Variants in SERINC5 observed in about 807,000 individuals in gnomAD.
SERINC5 encodes the protein chromosome 5 open reading frame 12.
SERINC5 carries 41 observed loss-of-function variants against 63.1 expected under a neutral mutation model. That is an observed-to-expected ratio of 0.65 (90% confidence interval 0.51 to 0.84). The LOEUF (loss-of-function observed/expected upper bound fraction) is 0.84. Among genes scored for constraint, SERINC5 ranks in the 40% least tolerant of loss-of-function variants. The pLI is 0.00. For synonymous variants in SERINC5, 222 were observed against 215.2 expected, an observed-to-expected ratio of 1.03 and a Z score of -0.28; for missense variants, 523 against 573.0, an observed-to-expected ratio of 0.91 and a Z score of 0.89.
chr5:80,177,738 G>C (rs1748129199), intron 3 of SERINC5, 148 bp downstream of exon 3: 1 of 665,862 alleles, frequency 1.5e-6, no homozygotes, highest in African/African-American at 1.8e-5. Flanking sequence ...CAACCATGTG[G>C]GTAAGTATCA....
intron 2 of SERINC5, among the ~76,000 whole-genome samples, chr5:80,183,783 CT>C (rs1162834335): frequency 1.3e-5 from 2 of 152,148 alleles, no homozygotes; most frequent in African/African-American, 2.4e-5. Flanking sequence ...GGCCCCACCC[CT>C]ATCTCCCTTC....
intron 1 of SERINC5, among the ~76,000 whole-genome samples, chr5:80,205,989 A>AAAC (rs1554068320): frequency 6.6e-6 from 1 of 151,524 alleles, no homozygotes; most frequent in Admixed American, 6.6e-5. Context: ...AAAAAAAAAA[A>AAAC]AAAAAACCTC....
chr5:80,221,792 C>CAA (rs34503587), intron 1 of SERINC5, among the ~76,000 whole-genome samples: 4,416 of 137,278 alleles, frequency 0.032, 91 homozygotes, highest in African/African-American at 0.068. Context: ...ACAACTTTAG[C>CAA]AAAAAAAAAA....
At chr5:80,204,562 G>T (rs983333876) in intron 1 of SERINC5, among the ~76,000 whole-genome samples, 1 of 152,190 alleles carries the variant, frequency 6.6e-6, no homozygotes, top group South Asian at 2.1e-4. Flanking sequence ...TTGTTCTGGT[G>T]CTATCTTTAA....
At chr5:80,198,449 A>G (rs1749636604) in intron 2 of SERINC5, 7 of 873,082 alleles carry the variant, frequency 8.0e-6, no homozygotes, top group Non-Finnish European at 8.2e-6. Context: ...CAAGGCAAAA[A>G]CTGGAAATAA....
At chr5:80,200,498 G>C (rs1362755327) in intron 2 of SERINC5, among the ~76,000 whole-genome samples, 1 of 136,328 alleles carries the variant, frequency 7.3e-6, no homozygotes, top group African/African-American at 2.7e-5. Context: ...AAAAACAAAA[G>C]AAAAGAAAAG....
At chr5:80,229,020 C>A (rs1370743220) in intron 1 of SERINC5, among the ~76,000 whole-genome samples, 1 of 92,202 alleles carries the variant, frequency 1.1e-5, no homozygotes, top group African/African-American at 5.5e-5. Context: ...GTTTTACATA[C>A]CTTTTTTTTT....
At position 80,177,311 on chromosome 5, in the gene SERINC5, G is replaced by A; in HGVS notation, c.457+4C>T. 1 of 1,605,378 alleles carries A rather than the reference G, an allele frequency of 6.2e-7. No individual in the cohort carries two copies. ...AACAGATACCCAAAATACCCCATTA[G>A]TACCGTTCAGAAAGGTGTCCTGATC... On this transcript the variant is annotated splice_donor_region_variant and intron_variant, in intron 4 of 11. Coordinates refer to ENST00000507668, the MANE Select transcript of SERINC5 (RefSeq NM_001174072.3).
chr5:80,163,796 T>G (rs912652536), intron 7 of SERINC5, among the ~76,000 whole-genome samples: 5 of 152,242 alleles, frequency 3.3e-5, no homozygotes, highest in Non-Finnish European at 7.3e-5. Context: ...GATTTTTCCA[T>G]CTATGTTCAT....
chr5:80,249,176 G>A (rs924410379), intron 1 of SERINC5, among the ~76,000 whole-genome samples: 4 of 152,100 alleles, frequency 2.6e-5, no homozygotes, highest in Admixed American at 6.5e-5. Context: ...TTAGCCGGGC[G>A]TGGTGATGGG....
chr5:80,234,018 G>T (rs1169963326), intron 1 of SERINC5, among the ~76,000 whole-genome samples: 1 of 151,784 alleles, frequency 6.6e-6, no homozygotes, highest in African/African-American at 2.4e-5. Flanking sequence ...CACCATATTG[G>T]CCAGGCTGGT....
chr5:80,216,077 G>A (rs1012611192), intron 1 of SERINC5, among the ~76,000 whole-genome samples: 8 of 152,116 alleles, frequency 5.3e-5, no homozygotes, highest in African/African-American at 1.9e-4. Context: ...AGATCTATAA[G>A]GTTTGAGGTT....
chr5:80,195,975 A>C (rs895870721), intron 2 of SERINC5, among the ~76,000 whole-genome samples: 1 of 152,198 alleles, frequency 6.6e-6, no homozygotes, highest in Non-Finnish European at 1.5e-5. Context: ...AGCTGGGAAC[A>C]TCTGGGAACT....
Position 80,255,992 on chromosome 5 carries a change from G to C in SERINC5, c.-70C>G, listed in dbSNP as rs1219556727. The C allele has an allele frequency of 2.2e-5, 31 of 1,409,838 alleles. No homozygotes were observed. In the South Asian group the frequency reaches 3.8e-4, roughly 17 times the overall value. The allele number at this position is 1,409,838 out of a possible 1,614,324, so 87.3% of individuals were successfully genotyped here. ...GCACGGGCCCTCCTGGCTGCCTCGC[G>C]CCTCGAGCGCTGGGCTCAGCCGCAG... On this transcript the variant is annotated 5_prime_UTR_variant, in exon 1 of 12. Coordinates refer to ENST00000507668, the MANE Select transcript of SERINC5 (RefSeq NM_001174072.3).
intron 1 of SERINC5, among the ~76,000 whole-genome samples, chr5:80,220,276 G>A (rs779049220): frequency 2.0e-4 from 31 of 151,724 alleles, no homozygotes; most frequent in South Asian, 8.4e-4. Context: ...TATTGGCAGC[G>A]GTGTTCCCTC....
Position 80,142,270 on chromosome 5 carries a change from C to T in SERINC5, c.*1393G>A, listed in dbSNP as rs1045066492. ...ACGTTTCTGTATTACTTTGCAAGTACGTATTTTGGAAATTCCTGTGCAGCG... is the reference window on the plus strand; with the variant it reads ...ACGTTTCTGTATTACTTTGCAAGTATGTATTTTGGAAATTCCTGTGCAGCG... On this transcript the variant is annotated 3_prime_UTR_variant, in exon 12 of 12. Transcript: ENST00000507668. The T allele has an allele frequency of 6.1e-6, 6 of 985,250 alleles. No individual in the cohort carries two copies. The highest frequency in any genetic ancestry group is 5.2e-5 in the African/African-American group (3 of 57,216). 61.0% of individuals were successfully genotyped at this position (985,250 alleles called of 1,614,324 possible). A position where few individuals can be genotyped will look rare whatever the true frequency, so the allele number is the denominator to read the frequency against.
chr5:80,209,110 A>G (rs191122403), intron 1 of SERINC5, among the ~76,000 whole-genome samples: 3 of 152,294 alleles, frequency 2.0e-5, no homozygotes, highest in Non-Finnish European at 4.4e-5. Flanking sequence ...GTCTCTACTA[A>G]AAATACAAAA....
chr5:80,177,084 G>C (rs1290568860), intron 4 of SERINC5, among the ~76,000 whole-genome samples: 1 of 152,170 alleles, frequency 6.6e-6, no homozygotes, highest in Non-Finnish European at 1.5e-5. Flanking sequence ...GGCCAGCAGA[G>C]TATCAGAGTC....
intron 2 of SERINC5, among the ~76,000 whole-genome samples, chr5:80,186,475 T>C (rs539870760): frequency 6.6e-6 from 1 of 152,152 alleles, no homozygotes; most frequent in Non-Finnish European, 1.5e-5. Context: ...ACATTTATAT[T>C]AGAACTGAGG....
Sources: allele counts gnomAD v4.1 joint callset (sites outside exome capture counted in the v4.1 genomes callset), GRCh38; gene constraint gnomAD v4.1.1; transcripts MANE v1.5; gene names NCBI Gene and HGNC (gene_info 2026-07-23, HGNC 2026-07-21).